Variants in ARMCX4 observed in about 807,000 individuals in gnomAD.
ARMCX4 encodes armadillo repeat-containing X-linked protein 4.
Under a neutral mutation model 34.7 loss-of-function variants are expected in ARMCX4, and 3 were observed. The ratio of observed to expected loss-of-function variants is 0.09; its 90% CI spans 0.04 to 0.22. The LOEUF is 0.22. Among genes scored for constraint, ARMCX4 ranks in the 10% least tolerant of loss-of-function variants. ARMCX4 has a pLI of 1.00. For missense variants in ARMCX4, 1,448 were observed against 1,720.8 expected, an observed-to-expected ratio of 0.84 and a Z score of 2.81; for synonymous variants, 513 against 632.8, an observed-to-expected ratio of 0.81 and a Z score of 2.84.
chrX:101,454,270 CT>C (rs781962059), intron 4 of ARMCX4, among the ~76,000 whole-genome samples: 4,978 of 100,388 alleles, frequency 0.05, 118 homozygotes, highest in South Asian at 0.08. Context: ...TGGCCAATTT[CT>C]TTTTTTTTTT....
chrX:101,498,304 G>T, downstream of ARMCX4: 1 of 291,150 alleles, frequency 3.4e-6, no homozygotes, highest in Non-Finnish European at 6.7e-6. Context: ...CTGCTACCCA[G>T]CTGTCAATGA....
rs186275856 is a variant in ARMCX4 at position 101,436,339 on chromosome X, C to G, written n.165-7713C>G. Among the ~76,000 whole-genome samples the G allele has an allele frequency of 3.6e-3, 395 of 110,927 alleles. 1 individual carries two copies. Among genetic ancestry groups the G allele is most frequent in the Non-Finnish European group, 4.9e-3 (262 of 52,960 alleles). On this transcript the variant is annotated intron_variant and non_coding_transcript_variant, in intron 2 of 3. Transcript: ENST00000430461. ...TTTCCTTGAGCAGTGGTTTGTAGTTCTCCTTTACGAGGTCCTTCACATCCC... is the reference window on the plus strand; with the variant it reads ...TTTCCTTGAGCAGTGGTTTGTAGTTGTCCTTTACGAGGTCCTTCACATCCC...
chrX:101,433,047 T>TATGTATACATACACGTGTATATATACAC (rs1569315081), intron 2 of ARMCX4, among the ~76,000 whole-genome samples: 42 of 108,594 alleles, frequency 3.9e-4, no homozygotes, highest in Admixed American at 7.8e-4. Flanking sequence ...TATACACACA[T>TATGTATACATACACGTGTATATATACAC]ATGTATACAT....
intron 11 of ARMCX4, among the ~76,000 whole-genome samples, chrX:101,512,694 T>A (rs1188300903): frequency 1.8e-5 from 2 of 108,818 alleles, no homozygotes; most frequent in Non-Finnish European, 3.8e-5. Flanking sequence ...ATGCATATGT[T>A]GTATTCTGTA....
At chrX:101,458,444 T>A (rs1170374266) in intron 4 of ARMCX4, among the ~76,000 whole-genome samples, 1 of 111,208 alleles carries the variant, frequency 9.0e-6, no homozygotes, top group African/African-American at 3.3e-5. Flanking sequence ...AAAACTACCC[T>A]TGCATCCAAC....
intron 10 of ARMCX4, among the ~76,000 whole-genome samples, chrX:101,510,795 A>G: frequency 9.0e-6 from 1 of 111,533 alleles, no homozygotes; most frequent in East Asian, 2.8e-4. Flanking sequence ...GGAAGAAATA[A>G]AGTCTAATGC....
intron 11 of ARMCX4, among the ~76,000 whole-genome samples, chrX:101,515,394 C>CTTCTTTCTTTCTTTCTTTCTTT (rs1569346593): frequency 1.2e-3 from 1 of 854 alleles, no homozygotes; most frequent in Non-Finnish European, 2.0e-3. Context: ...TCTTTCTTTC[C>CTTCTTTCTTTCTTTCTTTCTTT]CTCCCTCCCT....
chrX:101,433,681 T>C (rs988425432), intron 2 of ARMCX4, among the ~76,000 whole-genome samples: 1 of 111,339 alleles, frequency 9.0e-6, no homozygotes, highest in African/African-American at 3.3e-5. Context: ...TGTCAGTCAT[T>C]ATTACTATTC....
chrX:101,422,470 A>G (rs954210038), intron 2 of ARMCX4, among the ~76,000 whole-genome samples: 3 of 110,502 alleles, frequency 2.7e-5, no homozygotes, highest in South Asian at 7.9e-4. Context: ...GTTGAGCCAG[A>G]TTACAGGTCT....
rs1556008191 is a variant in ARMCX4 at position 101,489,994 on chromosome X, T to G, written c.1405T>G (p.Leu469Val). ...TAAGGTGGGGGATGGGACAGACATG[T>G]TGTCCTGTACACAGCCTCAGCTTGT... ...MAKVGDGTDM[L>V]SCTQPQLVAS... The change falls in exon 6 of 6, where the codon TTG becomes GTG. Residue 469 changes from leucine to valine, a missense_variant. Around this residue, in one of 2 missense-constraint regions of ARMCX4, gnomAD observed 1,343 missense variants for 1,540.7 expected, o/e 0.87. Transcript: ENST00000423738. 1.7e-6 allele frequency: 2 copies of G among 1,154,469 alleles called. No individual in the cohort carries two copies.
At chrX:101,476,855 A>G (rs1424480985) in intron 4 of ARMCX4, among the ~76,000 whole-genome samples, 1 of 111,720 alleles carries the variant, frequency 9.0e-6, no homozygotes, top group African/African-American at 3.2e-5. Context: ...TAAAGATAAG[A>G]AAAAAAGAAA....
chrX:101,497,085 T>TA (rs1471639973), downstream of ARMCX4, among the ~76,000 whole-genome samples: 1 of 111,748 alleles, frequency 8.9e-6, no homozygotes, highest in Non-Finnish European at 1.9e-5. Flanking sequence ...CATATAATCT[T>TA]AAGTGGGAAA....
At chrX:101,479,484 CTT>C (rs782507937) in intron 4 of ARMCX4, among the ~76,000 whole-genome samples, 13 of 98,776 alleles carry the variant, frequency 1.3e-4, no homozygotes, top group African/African-American at 2.9e-4. Context: ...CTATAAATTC[CTT>C]TTTTTTTTTT....
chrX:101,514,569 C>T (rs782102358), intron 11 of ARMCX4, among the ~76,000 whole-genome samples: 4 of 112,110 alleles, frequency 3.6e-5, no homozygotes, highest in Non-Finnish European at 7.5e-5. Context: ...CGAGAAGCAA[C>T]GCTGTGTGGA....
downstream of ARMCX4, among the ~76,000 whole-genome samples, chrX:101,500,749 A>C (rs781790543): frequency 4.4e-5 from 5 of 112,451 alleles, no homozygotes; most frequent in East Asian, 1.4e-3. Context: ...AATGGATAAC[A>C]GTATGCATAC....
Position 101,491,580 on chromosome X carries a change from G to T in ARMCX4, c.2991G>T (p.Gln997His), listed in dbSNP as rs1401531195. The change falls in exon 6 of 6, where the codon CAG (glutamine) becomes CAT (histidine). Residue 997 changes from glutamine (Q) to histidine (H), a missense_variant. Physicochemically the swap from Gln to His is conservative, Grantham distance 24. This residue lies in a region of ARMCX4 where 1,343 missense variants were observed against 1,540.7 expected (regional missense o/e 0.87). Coordinates refer to ENST00000423738, the MANE Select transcript of ARMCX4 (RefSeq NM_001256155.3). ...SAQPQAVANSQSETLLGARNK... is the reference protein window; with the variant it reads ...SAQPQAVANSHSETLLGARNK... Reference sequence around the variant, plus strand: ...AGCCCCAAGCTGTCGCTAATTCCCAGAGTGAGACCTTGCTTGGTGCCAGGA... The same window carrying T: ...AGCCCCAAGCTGTCGCTAATTCCCATAGTGAGACCTTGCTTGGTGCCAGGA... 9.5e-6 allele frequency: 11 copies of T among 1,155,696 alleles called. No individual in the cohort carries two copies. Among genetic ancestry groups the T allele is most frequent in the Non-Finnish European group, 1.3e-5 (11 of 872,949 alleles).
chrX:101,431,572 C>T (rs1275133154), intron 2 of ARMCX4, among the ~76,000 whole-genome samples: 1 of 111,161 alleles, frequency 9.0e-6, no homozygotes, highest in Non-Finnish European at 1.9e-5. Context: ...GAGACAGAGT[C>T]TCGCTCTGTT....
At chrX:101,465,122 T>C (rs1932770741) in intron 4 of ARMCX4, among the ~76,000 whole-genome samples, 1 of 111,301 alleles carries the variant, frequency 9.0e-6, no homozygotes, top group Non-Finnish European at 1.9e-5. Context: ...GAAAAAGCAA[T>C]ATAAAACAGG....
At chrX:101,425,311 G>C (rs984142428) in intron 2 of ARMCX4, among the ~76,000 whole-genome samples, 1 of 111,461 alleles carries the variant, frequency 9.0e-6, no homozygotes, top group Non-Finnish European at 1.9e-5. Flanking sequence ...TGGTGTCCTG[G>C]ATGGATCTAT....
Sources: gnomAD v4.1 joint callset for allele counts (sites outside exome capture counted in the v4.1 genomes callset) on GRCh38, gnomAD v4.1.1 for gene constraint, gnomAD v4.1.1 regional missense constraint, MANE v1.5 for transcripts, NCBI Gene and HGNC (gene_info 2026-07-23, HGNC 2026-07-21) for gene names.